The following SYCP2L variants were observed in gnomAD, a reference collection of about 807,000 sequenced individuals.
The protein encoded by SYCP2L is synaptonemal complex protein 2-like.
A neutral mutation model predicts 125.8 loss-of-function variants in SYCP2L; 98 were observed. The observed-to-expected ratio is 0.78, with a 90% CI of 0.66 to 0.92. SYCP2L has a LOEUF of 0.92. SYCP2L is among the 40% of genes least tolerant of loss of function. The pLI is 0.00. For synonymous variants in SYCP2L, 317 were observed against 325.4 expected (o/e 0.97, Z 0.28); for missense variants, 842 against 936.4 (o/e 0.90, Z 1.32).
chr6:10,972,116 CTT>C lies in SYCP2L; in HGVS notation c.*38-1835_*38-1834del, dbSNP rs892380367. On this transcript the variant is annotated intron_variant, in intron 29 of 29. Coordinates refer to ENST00000283141, the MANE Select transcript of SYCP2L (RefSeq NM_001040274.3). ...AAAATAGTTTATAAACATGCTATAA[CTT>C]ATATATTTTTCCCTATAATGGACAT... 2.1e-4 allele frequency among the ~76,000 whole-genome samples: 32 copies of C among 152,254 alleles called. No individual in the cohort carries two copies. The Middle Eastern group carries it at 0.01, about 49-fold the overall frequency.
At chr6:10,949,618 G>A (rs970197222) in intron 23 of SYCP2L, among the ~76,000 whole-genome samples, 1 of 151,652 alleles carries the variant, frequency 6.6e-6, no homozygotes, top group Non-Finnish European at 1.5e-5. Flanking sequence ...AGTGCTACTA[G>A]GTGCATCAGG....
intron 29 of SYCP2L, among the ~76,000 whole-genome samples, chr6:10,964,865 TAAG>T: frequency 6.6e-6 from 1 of 152,164 alleles, no homozygotes; most frequent in South Asian, 2.1e-4. Context: ...GTTTCAAGAA[TAAG>T]AAGAAACTAG....
In SYCP2L at chr6:10,912,663, T is replaced by A. The variant is rs185129384; in HGVS notation, c.919-10T>A. 1.9e-6 allele frequency: 3 copies of A among 1,602,316 alleles called. No homozygotes were observed. Among genetic ancestry groups the A allele is most frequent in the East Asian group, 4.5e-5 (2 of 44,794 alleles). On this transcript the variant is annotated splice_polypyrimidine_tract_variant and intron_variant, in intron 12 of 29. Transcript: ENST00000283141. This position sits in a 1 kb window ranked among gnomAD's most constrained non-coding sequence, Gnocchi z 4.1. ...ATGTGTATAAGTCATGCTGAAATGA[T>A]CTCTTACAGATGAGAAAACCAGCGG...
At chr6:10,924,889 C>T (rs964419998) in intron 15 of SYCP2L, among the ~76,000 whole-genome samples, 11 of 152,164 alleles carry the variant, frequency 7.2e-5, no homozygotes, top group African/African-American at 9.7e-5. Context: ...TAACTGTGAA[C>T]AGCTGAAAGG....
At chr6:10,927,637 C>T (rs1780920805) in intron 17 of SYCP2L, among the ~76,000 whole-genome samples, 1 of 152,298 alleles carries the variant, frequency 6.6e-6, no homozygotes, top group East Asian at 1.9e-4. Context: ...GGCGAGATCA[C>T]AGGACCACAG....
chr6:10,948,132 G>T lies in SYCP2L; in HGVS notation c.1954+5386G>T, dbSNP rs569550172. 5.3e-5 allele frequency among the ~76,000 whole-genome samples: 8 copies of T among 152,126 alleles called. No homozygotes were observed. The South Asian group carries it at 1.7e-3, about 32-fold the overall frequency. On this transcript the variant is annotated intron_variant, in intron 23 of 29. Coordinates refer to ENST00000283141, the MANE Select transcript of SYCP2L (RefSeq NM_001040274.3). ...TTGTTACGCATATGCATTGTGAAAT[G>T]ATTACCGTAATCAAGCTAATTTACA...
At chr6:10,889,904 G>A (rs888673481) in intron 1 of SYCP2L, among the ~76,000 whole-genome samples, 2 of 152,138 alleles carry the variant, frequency 1.3e-5, no homozygotes, top group East Asian at 3.9e-4. Context: ...ACAGGCATGA[G>A]CCACCGCACC....
intron 28 of SYCP2L, 48 bp from the exon 29 acceptor site, chr6:10,963,734 T>A (rs1255739529): frequency 6.3e-7 from 1 of 1,594,686 alleles, no homozygotes; most frequent in African/African-American, 1.3e-5. Flanking sequence ...TTCTTGTTTT[T>A]AAATTGTCTA....
At chr6:10,957,009 T>G (rs1781512114) in intron 25 of SYCP2L, among the ~76,000 whole-genome samples, 1 of 151,822 alleles carries the variant, frequency 6.6e-6, no homozygotes, top group Non-Finnish European at 1.5e-5. Flanking sequence ...TAAAATTTTT[T>G]GTAGAGATAG....
At position 10,918,174 on chromosome 6, in the gene SYCP2L, G is replaced by C. The variant is rs548537254; in HGVS notation, c.1072+5247G>C. ...GATCGCGCCACCTTACTCCAGCCTGGACGACAGAGCGAGACTCCATCTCAA... is the reference window on the plus strand; with the variant it reads ...GATCGCGCCACCTTACTCCAGCCTGCACGACAGAGCGAGACTCCATCTCAA... On this transcript the variant is annotated intron_variant, in intron 14 of 29. Coordinates refer to ENST00000283141, the MANE Select transcript of SYCP2L (RefSeq NM_001040274.3). 3.0e-3 allele frequency among the ~76,000 whole-genome samples: 448 copies of C among 147,272 alleles called. 1 individual carries two copies. Among genetic ancestry groups the C allele is most frequent in the Non-Finnish European group, 4.9e-3 (330 of 67,332 alleles).
intron 9 of SYCP2L, among the ~76,000 whole-genome samples, 173 bp from the exon 10 acceptor site, chr6:10,907,369 G>A (rs1780516787): frequency 6.6e-6 from 1 of 150,396 alleles, no homozygotes; most frequent in Non-Finnish European, 1.5e-5. Context: ...AAAAAAAATA[G>A]AATTTAAATG....
At chr6:10,961,797 A>G (rs1383795720) in intron 28 of SYCP2L, among the ~76,000 whole-genome samples, 2 of 152,078 alleles carry the variant, frequency 1.3e-5, no homozygotes, top group East Asian at 3.9e-4. Context: ...TTAAAATCCC[A>G]ATTTTTTTAT....
At chr6:10,911,319 G>A (rs1780602516) in intron 12 of SYCP2L, among the ~76,000 whole-genome samples, 1 of 151,898 alleles carries the variant, frequency 6.6e-6, no homozygotes, top group Admixed American at 6.6e-5. Flanking sequence ...AGGTTGACCA[G>A]TTTCTTCCCC....
At chr6:10,902,606 C>T (rs977039848) in intron 6 of SYCP2L, 71 bp from the exon 7 acceptor site, 46 of 1,307,034 alleles carry the variant, frequency 3.5e-5, no homozygotes, top group Non-Finnish European at 4.8e-5. Context: ...GTGAAAAGCT[C>T]TGACCGTGTG....
chr6:10,918,830 G>A (rs754553902), intron 14 of SYCP2L, among the ~76,000 whole-genome samples: 8 of 152,104 alleles, frequency 5.3e-5, no homozygotes, highest in East Asian at 1.9e-4. Context: ...TACCATGCCC[G>A]GCTGACTTTC....
Position 10,898,808 on chromosome 6 carries a change from T to C in SYCP2L, c.442-16T>C. 1 of 1,364,508 alleles carries C rather than the reference T, an allele frequency of 7.3e-7. No individual in the cohort carries two copies. The highest frequency in any genetic ancestry group is 2.3e-5 in the East Asian group (1 of 43,010). The allele number at this position is 1,364,508 out of a possible 1,614,324, so 84.5% of individuals were successfully genotyped here. ...TTAAAATAATATGAGCTTTACTTTT[T>C]CTTTCTTTTTGTTAGATTATTTCCA... On this transcript the variant is annotated splice_polypyrimidine_tract_variant and intron_variant, in intron 5 of 29. Coordinates refer to ENST00000283141, the MANE Select transcript of SYCP2L (RefSeq NM_001040274.3).
intron 23 of SYCP2L, among the ~76,000 whole-genome samples, chr6:10,947,764 A>G (rs957187328): frequency 6.6e-6 from 1 of 152,046 alleles, no homozygotes; most frequent in African/African-American, 2.4e-5. Flanking sequence ...GCATTGGCCA[A>G]TATCTTTAGT....
chr6:10,942,685 C>T lies in SYCP2L; in HGVS notation c.1893C>T (p.Asn631=), dbSNP rs1298400835. Residue 631 remains asparagine (N), a synonymous_variant, in exon 23 of 30, where the codon AAC becomes AAT. Transcript: ENST00000283141. ...SEDEEKPKIV[N]QESLTESTSL... ...TCTGTTTTGTTTTTAAGATTGTGAACCAAGAATCACTAACAGAAAGTACTA... is the reference window on the plus strand; with the variant it reads ...TCTGTTTTGTTTTTAAGATTGTGAATCAAGAATCACTAACAGAAAGTACTA... 1 of 1,613,310 alleles carries T rather than the reference C, an allele frequency of 6.2e-7. No homozygotes were observed. The highest frequency in any genetic ancestry group is 1.1e-5 in the South Asian group (1 of 91,012).
At chr6:10,931,958 G>A (rs1364818260) in intron 20 of SYCP2L, among the ~76,000 whole-genome samples, 1 of 116,202 alleles carries the variant, frequency 8.6e-6, no homozygotes, top group Non-Finnish European at 1.8e-5. Flanking sequence ...GAATGAGACC[G>A]TGTCTCAAAA....
Sources: gnomAD v4.1 joint callset for allele counts (sites outside exome capture counted in the v4.1 genomes callset) on GRCh38, gnomAD v4.1.1 for gene constraint, Gnocchi (gnomAD v3.1) non-coding constraint, MANE v1.5 for transcripts, NCBI Gene and HGNC (gene_info 2026-07-23, HGNC 2026-07-21) for gene names.